Variants in IL21R observed in about 807,000 individuals in gnomAD.
IL21R encodes the protein interleukin-21 receptor.
Under a neutral mutation model 41.3 loss-of-function variants are expected in IL21R, and 14 were observed. That is an observed-to-expected ratio of 0.34 (90% confidence interval 0.22 to 0.53). IL21R has a LOEUF of 0.53. IL21R is among the 20% of genes least tolerant of loss of function. The probability of loss-of-function intolerance (pLI) is 0.94; values close to 1 mark genes in which losing one functional copy is unlikely to be tolerated. For missense variants in IL21R, 588 were observed against 681.6 expected (o/e 0.86, Z 1.53); for synonymous variants, 286 against 287.6 (o/e 0.99, Z 0.05).
At chr16:27,436,202 C>T (rs1376453140) in intron 3 of IL21R, among the ~76,000 whole-genome samples, 2 of 152,252 alleles carry the variant, frequency 1.3e-5, no homozygotes, top group African/African-American at 4.8e-5. Context: ...GTTGGGATTA[C>T]AGGCATAAGC....
chr16:27,406,959 A>G (rs1170393072), intron 1 of IL21R, among the ~76,000 whole-genome samples: 1 of 152,156 alleles, frequency 6.6e-6, no homozygotes, highest in East Asian at 1.9e-4. Flanking sequence ...TGGGCAGCCC[A>G]CTGTCCTTCT....
chr16:27,437,183 T>C (rs1037358246), intron 3 of IL21R, among the ~76,000 whole-genome samples: 3 of 152,162 alleles, frequency 2.0e-5, no homozygotes, highest in Non-Finnish European at 4.4e-5. Context: ...GATTTAGGCT[T>C]AGTCCAAGCA....
At chr16:27,421,335 CAAA>C (rs35250936) in intron 1 of IL21R, among the ~76,000 whole-genome samples, 18 of 84,202 alleles carry the variant, frequency 2.1e-4, no homozygotes, top group African/African-American at 5.8e-4. Context: ...TCAATTTCTG[CAAA>C]AAAAAAAAAA....
intron 1 of IL21R, among the ~76,000 whole-genome samples, chr16:27,411,883 G>T (rs1458295940): frequency 6.6e-6 from 1 of 152,128 alleles, no homozygotes; most frequent in African/African-American, 2.4e-5. Context: ...CCATTCCATA[G>T]GTTGCCTTTT....
At chr16:27,437,816 C>T (rs2087300829) in intron 4 of IL21R, 129 bp downstream of exon 4, 1 of 686,002 alleles carries the variant, frequency 1.5e-6, no homozygotes, top group Non-Finnish European at 2.5e-6. Context: ...GTGTACACCA[C>T]TACACCCAGC....
intron 2 of IL21R, 90 bp downstream of exon 2, chr16:27,430,210 C>T (rs561899263): frequency 4.9e-5 from 53 of 1,070,942 alleles, no homozygotes; most frequent in South Asian, 1.8e-4. Context: ...CTCAAAAACA[C>T]GGCTAGAGTC....
At chr16:27,438,755 G>A (rs1206934612) in intron 4 of IL21R, among the ~76,000 whole-genome samples, 4 of 151,914 alleles carry the variant, frequency 2.6e-5, no homozygotes, top group Non-Finnish European at 4.4e-5. Context: ...CCGTAATCCC[G>A]GCTACTCGGG....
intron 4 of IL21R, among the ~76,000 whole-genome samples, chr16:27,441,413 A>C (rs1057091112): frequency 1.3e-5 from 2 of 152,236 alleles, no homozygotes; most frequent in African/African-American, 2.4e-5. Flanking sequence ...CGCCCATGAA[A>C]GCTTGCTGTT....
Position 27,449,352 on chromosome 16 carries a change from C to T in IL21R, c.*69C>T. On this transcript the variant is annotated 3_prime_UTR_variant, in exon 9 of 9. Transcript: ENST00000337929. ...TGAGCCAGAGACAAGGTCACCTGGG[C>T]TGTGATGTGAAGACACCTGCAGCCT... The T allele has an allele frequency of 6.7e-7, 1 of 1,481,684 alleles. No individual in the cohort carries two copies. The highest frequency in any genetic ancestry group is 9.0e-7 in the Non-Finnish European group (1 of 1,112,086). The allele number at this position is 1,481,684 out of a possible 1,614,324, so 91.8% of individuals were successfully genotyped here. A position where few individuals can be genotyped will look rare whatever the true frequency, so the allele number is the denominator to read the frequency against.
chr16:27,441,981 C>T (rs1036417203), intron 4 of IL21R, among the ~76,000 whole-genome samples: 1 of 152,194 alleles, frequency 6.6e-6, no homozygotes, highest in East Asian at 1.9e-4. Flanking sequence ...CACTGCACTC[C>T]AGCCTGGGCA....
At chr16:27,440,248 T>TATATATATAGAGAGAGAG (rs1352160946) in intron 4 of IL21R, among the ~76,000 whole-genome samples, 63 of 64,028 alleles carry the variant, frequency 9.8e-4, no homozygotes, top group South Asian at 2.0e-3. Context: ...TATATATATA[T>TATATATATAGAGAGAGAG]AGAGAGAGAG....
In IL21R at chr16:27,446,058, C is replaced by T. The variant is rs2093355686; in HGVS notation, c.837C>T (p.Pro279=). 2 of 1,613,730 alleles carry T rather than the reference C, an allele frequency of 1.2e-6. No homozygotes were observed. The highest frequency in any genetic ancestry group is 1.7e-6 in the Non-Finnish European group (2 of 1,179,840). The change falls in exon 8 of 9, where the codon CCC becomes CCT. Residue 279 remains proline (P), a synonymous_variant. Coordinates refer to ENST00000337929, the MANE Select transcript of IL21R (RefSeq NM_181078.3). ...AVPSPERFFM[P]LYKGCSGDFK... is the part of the protein sequence containing the mutation. ...CCAGCCCTGAGCGGTTCTTCATGCC[C>T]CTGTACAAGGGCTGCAGCGGAGACT...
chr16:27,443,220 C>A, intron 5 of IL21R, 104 bp downstream of exon 5: 1 of 1,089,362 alleles, frequency 9.2e-7, no homozygotes, highest in Non-Finnish European at 1.3e-6. Flanking sequence ...TCATTCATGG[C>A]CAAGAACAGA....
chr16:27,415,132 G>A (rs2086878680), intron 1 of IL21R, among the ~76,000 whole-genome samples: 1 of 152,098 alleles, frequency 6.6e-6, no homozygotes, highest in Admixed American at 6.5e-5. Flanking sequence ...TAATTGAAGA[G>A]GACCAACTAT....
chr16:27,402,948 G>C (rs960721465), intron 1 of IL21R: 2 of 363,378 alleles, frequency 5.5e-6, no homozygotes, highest in African/African-American at 4.2e-5. Flanking sequence ...ACCCGATTCT[G>C]GGCGGCTGAG....
Position 27,410,986 on chromosome 16 carries a change from A to G in IL21R, c.-17+8368A>G, listed in dbSNP as rs533901641. ...CCTCAAGAAGCATCCATGTCGTAAC[A>G]TATGACAGGACTTCCTCCTTTTTAA... On this transcript the variant is annotated intron_variant, in intron 1 of 8. Transcript: ENST00000337929. Among the ~76,000 whole-genome samples, 48 of 152,330 alleles carry G rather than the reference A, an allele frequency of 3.2e-4. No individual in the cohort carries two copies. The South Asian group carries it at 9.3e-3, about 30-fold the overall frequency.
intron 1 of IL21R, chr16:27,402,981 G>A: frequency 2.5e-6 from 1 of 398,410 alleles, no homozygotes. Context: ...GGGCATGGGT[G>A]TAGAGCCTGA....
intron 7 of IL21R, 47 bp from the exon 8 acceptor site, chr16:27,445,960 C>A: frequency 6.7e-7 from 1 of 1,487,790 alleles, no homozygotes; most frequent in Non-Finnish European, 9.3e-7. Flanking sequence ...GGAGGCCAGG[C>A]TGCCCTCTGG....
intron 1 of IL21R, among the ~76,000 whole-genome samples, chr16:27,415,082 A>G (rs1345942665): frequency 6.6e-6 from 1 of 152,244 alleles, no homozygotes; most frequent in East Asian, 1.9e-4. Flanking sequence ...CCGATCATCC[A>G]TATCAATTTG....
Sources: gnomAD v4.1 joint callset for allele counts (sites outside exome capture counted in the v4.1 genomes callset) on GRCh38, gnomAD v4.1.1 for gene constraint, MANE v1.5 for transcripts, NCBI Gene and HGNC (gene_info 2026-07-23, HGNC 2026-07-21) for gene names.